Variants in AOAH observed in about 807,000 individuals in gnomAD.
AOAH encodes acyloxyacyl hydrolase.
Under a neutral mutation model 92.2 loss-of-function variants are expected in AOAH, and 64 were observed. The observed-to-expected ratio is 0.69, with a 90% confidence interval of 0.57 to 0.86. AOAH has a LOEUF of 0.86. AOAH is among the 40% of genes least tolerant of loss of function. The probability of loss-of-function intolerance (pLI) is 0.00; values close to 1 mark genes in which losing one functional copy is unlikely to be tolerated. For synonymous variants in AOAH, 263 were observed against 254.5 expected (o/e 1.03, Z -0.32); for missense variants, 656 against 694.6 (o/e 0.94, Z 0.62).
intron 12 of AOAH, among the ~76,000 whole-genome samples, chr7:36,585,372 G>A (rs947384054): frequency 1.3e-5 from 2 of 152,118 alleles, no homozygotes; most frequent in African/African-American, 4.8e-5. Context: ...TCCAGTATTG[G>A]CAAGGGTGTG....
chr7:36,592,743 G>C (rs567098191), intron 12 of AOAH, among the ~76,000 whole-genome samples: 50 of 152,316 alleles, frequency 3.3e-4, no homozygotes, highest in African/African-American at 1.2e-3. Flanking sequence ...GAGGTTAAAT[G>C]AGAGAATATC....
chr7:36,582,916 C>G (rs1397565310), intron 12 of AOAH, among the ~76,000 whole-genome samples: 2 of 151,872 alleles, frequency 1.3e-5, no homozygotes. Context: ...ATGATCTCGG[C>G]TCACTGCAAC....
chr7:36,528,773 T>A (rs1368008267), intron 19 of AOAH, among the ~76,000 whole-genome samples: 1 of 152,166 alleles, frequency 6.6e-6, no homozygotes, highest in African/African-American at 2.4e-5. Context: ...TAAAAAAAGA[T>A]GTTTTGTTTT....
At chr7:36,649,650 T>G (rs1262165708) in intron 4 of AOAH, among the ~76,000 whole-genome samples, 1 of 152,250 alleles carries the variant, frequency 6.6e-6, no homozygotes, top group Non-Finnish European at 1.5e-5. Context: ...ATACCCTCTT[T>G]GGGTCCCCTC....
At chr7:36,719,490 G>C (rs1444023760) in intron 1 of AOAH, among the ~76,000 whole-genome samples, 1 of 152,184 alleles carries the variant, frequency 6.6e-6, no homozygotes, top group Non-Finnish European at 1.5e-5. Context: ...AAGAAAAATA[G>C]GAAGGAAGAA....
chr7:36,698,821 ATTCTC>A (rs143006759), intron 1 of AOAH, among the ~76,000 whole-genome samples: 2,043 of 152,214 alleles, frequency 0.013, 49 homozygotes, highest in African/African-American at 0.047. Flanking sequence ...CATTTGAATC[ATTCTC>A]TTCTAACTAT....
At chr7:36,568,300 C>G (rs1787857011) in intron 13 of AOAH, among the ~76,000 whole-genome samples, 1 of 152,222 alleles carries the variant, frequency 6.6e-6, no homozygotes, top group African/African-American at 2.4e-5. Context: ...ATACCTTTTA[C>G]AAATGTAAAT....
At chr7:36,521,251 G>T (rs1784094280) in intron 20 of AOAH, among the ~76,000 whole-genome samples, 1 of 152,184 alleles carries the variant, frequency 6.6e-6, no homozygotes, top group Non-Finnish European at 1.5e-5. Context: ...ATGTGGTATT[G>T]CCTGAGAGTA....
Position 36,644,203 on chromosome 7 carries a change from A to G in AOAH, c.391-6293T>C, listed in dbSNP as rs550615753. 3.9e-5 allele frequency among the ~76,000 whole-genome samples: 6 copies of G among 152,316 alleles called. No individual in the cohort carries two copies. In the East Asian group the frequency reaches 7.7e-4, roughly 20 times the overall value. ...ACAGATGTGGTAAACTGAGGCTTAG[A>G]GTAGGTAAATAACTCCCCCAAAGTC... On this transcript the variant is annotated intron_variant, in intron 4 of 20. Coordinates refer to ENST00000617537, the MANE Select transcript of AOAH (RefSeq NM_001637.4).
At chr7:36,700,822 T>C (rs1327118500) in intron 1 of AOAH, among the ~76,000 whole-genome samples, 2 of 152,140 alleles carry the variant, frequency 1.3e-5, no homozygotes, top group Non-Finnish European at 2.9e-5. Flanking sequence ...GCCTTCCCTT[T>C]TTTCTACATC....
chr7:36,707,209 G>GC (rs1188540188), intron 1 of AOAH, among the ~76,000 whole-genome samples: 7 of 152,038 alleles, frequency 4.6e-5, no homozygotes, highest in African/African-American at 1.4e-4. Flanking sequence ...TTGCTAATTG[G>GC]CCTAATGTTA....
At chr7:36,601,968 A>G (rs1790641637) in intron 11 of AOAH, among the ~76,000 whole-genome samples, 1 of 152,224 alleles carries the variant, frequency 6.6e-6, no homozygotes, top group Admixed American at 6.5e-5. Context: ...AAATTTAGTG[A>G]CTTAAAATGT....
intron 1 of AOAH, among the ~76,000 whole-genome samples, chr7:36,707,084 A>ATGAGGCC (rs70977183): frequency 0.57 from 85,493 of 150,302 alleles, 24,517 homozygotes; most frequent in East Asian, 0.83. Context: ...ACTGTTTGGC[A>ATGAGGCC]TATCTTGGCT....
chr7:36,599,705 G>C (rs1344960106), intron 11 of AOAH: 1 of 152,228 alleles, frequency 6.6e-6, no homozygotes, highest in Non-Finnish European at 1.5e-5. Flanking sequence ...ACGCTGGAGA[G>C]TTTCAAGGCC....
chr7:36,613,894 A>T (rs149572668), intron 11 of AOAH, among the ~76,000 whole-genome samples: 3 of 152,154 alleles, frequency 2.0e-5, no homozygotes, highest in Admixed American at 2.0e-4. Flanking sequence ...AGCAGTTTTC[A>T]TATGTATCCG....
chr7:36,519,187 C>A (rs75914180), intron 20 of AOAH, among the ~76,000 whole-genome samples: 2,276 of 152,244 alleles, frequency 0.015, 57 homozygotes, highest in African/African-American at 0.053. Context: ...CAAGGTCAAG[C>A]CCCAGACAGA....
chr7:36,625,786 G>A (rs1357638811), intron 6 of AOAH, among the ~76,000 whole-genome samples: 3 of 152,154 alleles, frequency 2.0e-5, no homozygotes, highest in African/African-American at 7.2e-5. Flanking sequence ...GAAGCTTCCC[G>A]AGTGGGCTCA....
At position 36,540,464 on chromosome 7, in the gene AOAH, G is replaced by A; in HGVS notation, c.1161C>T (p.Thr387=). The A allele has an allele frequency of 6.2e-7, 1 of 1,612,800 alleles. No individual in the cohort carries two copies. The highest frequency in any genetic ancestry group is 8.5e-7 in the Non-Finnish European group (1 of 1,179,450). The change falls in exon 16 of 21, where the codon ACC becomes ACT. Residue 387 remains threonine, a synonymous_variant. Coordinates refer to ENST00000617537, the MANE Select transcript of AOAH (RefSeq NM_001637.4). ...CGTTGGAGTAGAGTTTCTCAGGAGT[G>A]GTCATGGCTGGGACTGGGTCACTCT... ...SGKSDPVPAM[T]TPEKLYSNVM...
chr7:36,534,057 C>T (rs1313912353), intron 16 of AOAH, among the ~76,000 whole-genome samples: 1 of 152,106 alleles, frequency 6.6e-6, no homozygotes, highest in Non-Finnish European at 1.5e-5. Context: ...GAGGTGGCAC[C>T]TCATGCCTGA....
Sources: gnomAD v4.1 joint callset for allele counts (sites outside exome capture counted in the v4.1 genomes callset) on GRCh38, gnomAD v4.1.1 for gene constraint, MANE v1.5 for transcripts, NCBI Gene and HGNC (gene_info 2026-07-23, HGNC 2026-07-21) for gene names.